The following DNAH6 variants were observed in gnomAD, a reference collection of about 807,000 sequenced individuals.
DNAH6 encodes dynein axonemal heavy chain 6.
Under a neutral mutation model 491.4 loss-of-function variants are expected in DNAH6, and 340 were observed. That is an observed-to-expected ratio of 0.69 (90% CI 0.63 to 0.76). The LOEUF (loss-of-function observed/expected upper bound fraction) is 0.76. Ranked by LOEUF, DNAH6 falls within the 30% of genes least tolerant of loss-of-function variation. DNAH6 has a pLI of 0.00. For synonymous variants in DNAH6, 1,603 were observed against 1,686.1 expected (o/e 0.95, Z 1.21); for missense variants, 4,443 against 4,972.2 (o/e 0.89, Z 3.20).
the DNAH6 span, among the ~76,000 whole-genome samples, chr2:84,462,702 CTTAG>C: frequency 6.6e-6 from 1 of 152,156 alleles, no homozygotes; most frequent in African/African-American, 2.4e-5. Context: ...ATGAGTCCAC[CTTAG>C]TTAGCTAGAT....
At chr2:84,635,061 T>C (rs1688742564) in intron 30 of DNAH6, among the ~76,000 whole-genome samples, 1 of 152,090 alleles carries the variant, frequency 6.6e-6, no homozygotes, top group Non-Finnish European at 1.5e-5. Context: ...CTTGGCCCTT[T>C]CGGAAGAGCC....
In DNAH6 at chr2:84,801,102, G is replaced by T. The variant is rs1177307481; in HGVS notation, c.11481+3444G>T. Among the ~76,000 whole-genome samples the T allele has an allele frequency of 5.9e-5, 7 of 117,724 alleles. No individual in the cohort carries two copies. The East Asian group carries it at 1.8e-3, about 30-fold the overall frequency. 77.2% of individuals were successfully genotyped at this position (117,724 alleles called of 152,430 possible). A position where few individuals can be genotyped will look rare whatever the true frequency, so the allele number is the denominator to read the frequency against. On this transcript the variant is annotated intron_variant, in intron 70 of 76. Transcript: ENST00000389394. ...CACACTCTGGGGACTGTGGTGGGGT[G>T]GGGGGAGGGGGGAGGGATAGCATTG...
chr2:84,652,301 C>A (rs78555416), intron 33 of DNAH6, among the ~76,000 whole-genome samples: 1 of 152,052 alleles, frequency 6.6e-6, no homozygotes, highest in Non-Finnish European at 1.5e-5. Context: ...TAAAGAGAGG[C>A]CAAATGTAGT....
intron 41 of DNAH6, among the ~76,000 whole-genome samples, chr2:84,679,704 C>T (rs756556490): frequency 2.6e-4 from 40 of 152,162 alleles, no homozygotes; most frequent in Non-Finnish European, 4.4e-4. Flanking sequence ...TATAATGATA[C>T]GCTAATTTTA....
At chr2:84,629,709 C>T (rs1222268836) in intron 29 of DNAH6, among the ~76,000 whole-genome samples, 2 of 152,160 alleles carry the variant, frequency 1.3e-5, no homozygotes, top group African/African-American at 4.8e-5. Flanking sequence ...ATAGTGATCA[C>T]CTCTAGTACC....
At chr2:84,516,862 A>G (rs1208532028) in intron 1 of DNAH6, among the ~76,000 whole-genome samples, 6 of 152,194 alleles carry the variant, frequency 3.9e-5, no homozygotes, top group Admixed American at 3.3e-4. Context: ...CTGAATTGCA[A>G]TGTGCTCATA....
At chr2:84,616,551 C>T (rs1251493667) in intron 22 of DNAH6, among the ~76,000 whole-genome samples, 1 of 152,026 alleles carries the variant, frequency 6.6e-6, no homozygotes, top group South Asian at 2.1e-4. Flanking sequence ...ATATCTTTTT[C>T]CACCCCTTTA....
intron 39 of DNAH6, among the ~76,000 whole-genome samples, chr2:84,671,420 C>G (rs1692725742): frequency 6.6e-6 from 1 of 152,214 alleles, no homozygotes; most frequent in Non-Finnish European, 1.5e-5. Flanking sequence ...TCCACAGTCT[C>G]TGGGGTGGTG....
intron 67 of DNAH6, among the ~76,000 whole-genome samples, chr2:84,786,455 C>T (rs1677212190): frequency 6.7e-6 from 1 of 149,478 alleles, no homozygotes; most frequent in Non-Finnish European, 1.5e-5. Context: ...AGAAAAGATG[C>T]CAGATATAAG....
chr2:84,517,145 AT>A lies in DNAH6; in HGVS notation c.-9+566del, dbSNP rs1254930712. Among the ~76,000 whole-genome samples, 5 of 152,286 alleles carry A rather than the reference AT, an allele frequency of 3.3e-5. No homozygotes were observed. The South Asian group carries it at 1.0e-3, about 32-fold the overall frequency. On this transcript the variant is annotated intron_variant, in intron 1 of 76. Transcript: ENST00000389394. ...ATTCAAGACCTCTTGTGCTAACCCTATTTTGGAAGGTGTTTCGAAGTATCTC... is the reference window on the plus strand; with the variant it reads ...ATTCAAGACCTCTTGTGCTAACCCTATTTGGAAGGTGTTTCGAAGTATCTC...
At chr2:84,814,404 A>C (rs1680292022) in intron 75 of DNAH6, among the ~76,000 whole-genome samples, 1 of 152,228 alleles carries the variant, frequency 6.6e-6, no homozygotes, top group Admixed American at 6.5e-5. Flanking sequence ...ATATAGCAAG[A>C]AGTTAAAAGC....
In DNAH6 at chr2:84,733,457, A is replaced by T; in HGVS notation, c.10220A>T (p.Lys3407Met). The change falls in exon 62 of 77, where the codon AAG (lysine) becomes ATG (methionine). Residue 3407 changes from lysine (K) to methionine (M), a missense_variant. Transcript: ENST00000389394. ...GTCTTCAAACAGGAACGCCCACCTA[A>T]GCCTGAAGCTCCCTGGCTACCTACT... ...SAGLEKERPP[K>M]PEAPWLPTAT... 1 of 1,551,214 alleles carries T rather than the reference A, an allele frequency of 6.4e-7. No homozygotes were observed. Among genetic ancestry groups the T allele is most frequent in the Non-Finnish European group, 8.7e-7 (1 of 1,146,664 alleles).
In DNAH6 at chr2:84,634,647, GCA is replaced by G; in HGVS notation, c.4653+8_4653+9del. On this transcript the variant is annotated splice_region_variant and intron_variant, in intron 30 of 76. Coordinates refer to ENST00000389394, the MANE Select transcript of DNAH6 (RefSeq NM_001370.2). ...GGAACGCCAAAGCGGCAAAGGTAAG[GCA>G]CTGGGCAATCGACTTTCAAGGTAGC... 6.6e-7 allele frequency: 1 copy of G among 1,509,678 alleles called. No homozygotes were observed. Among genetic ancestry groups the G allele is most frequent in the Non-Finnish European group, 8.8e-7 (1 of 1,130,842 alleles). The allele number at this position is 1,509,678 out of a possible 1,614,324, so 93.5% of individuals were successfully genotyped here.
At chr2:84,506,028 T>G in the DNAH6 span, among the ~76,000 whole-genome samples, 2 of 152,232 alleles carry the variant, frequency 1.3e-5, no homozygotes, top group African/African-American at 4.8e-5. Flanking sequence ...TACATATGCA[T>G]GTGTCTTTAT....
intron 11 of DNAH6, among the ~76,000 whole-genome samples, chr2:84,569,645 T>G (rs1320258861): frequency 1.3e-5 from 2 of 152,230 alleles, no homozygotes; most frequent in African/African-American, 4.8e-5. Flanking sequence ...ATCCTGTGGA[T>G]GAAAAACCAC....
intron 13 of DNAH6, among the ~76,000 whole-genome samples, chr2:84,578,473 T>C (rs1573082819): frequency 1.3e-5 from 2 of 152,230 alleles, no homozygotes; most frequent in African/African-American, 4.8e-5. Flanking sequence ...TGGGTCGATA[T>C]CAAGGAGGTA....
intron 60 of DNAH6, among the ~76,000 whole-genome samples, chr2:84,725,633 G>A (rs1187236256): frequency 6.6e-6 from 1 of 152,158 alleles, no homozygotes; most frequent in African/African-American, 2.4e-5. Context: ...AAGTGAAAAG[G>A]CCCTAAAATA....
In DNAH6 at chr2:84,814,092, A is replaced by G. The variant is rs1483065084; in HGVS notation, c.12120A>G (p.Gln4040=). The G allele has an allele frequency of 2.6e-6, 4 of 1,551,596 alleles. No homozygotes were observed. Among genetic ancestry groups the G allele is most frequent in the Non-Finnish European group, 3.5e-6 (4 of 1,146,986 alleles). ...AAVIEAAKTV[Q]FGQELPMDME... is the part of the protein sequence containing the mutation. Reference sequence around the variant, plus strand: ...TGATAGAAGCTGCCAAGACAGTGCAATTTGGACAAGAACTGCCCATGGACA... The same window carrying G: ...TGATAGAAGCTGCCAAGACAGTGCAGTTTGGACAAGAACTGCCCATGGACA... The change falls in exon 75 of 77, where the codon CAA becomes CAG. Residue 4040 remains glutamine (Q), a synonymous_variant. Coordinates refer to ENST00000389394, the MANE Select transcript of DNAH6 (RefSeq NM_001370.2).
At chr2:84,474,698 C>T in the DNAH6 span, among the ~76,000 whole-genome samples, 2 of 152,160 alleles carry the variant, frequency 1.3e-5, no homozygotes, top group African/African-American at 4.8e-5. Context: ...GACCATCCGA[C>T]CCTTGACATG....
Sources: allele counts gnomAD v4.1 joint callset (sites outside exome capture counted in the v4.1 genomes callset), GRCh38; gene constraint gnomAD v4.1.1; transcripts MANE v1.5; gene names NCBI Gene and HGNC (gene_info 2026-07-23, HGNC 2026-07-21).